The following C22orf31 variants were observed in gnomAD, a reference collection of about 807,000 sequenced individuals.
C22orf31 encodes the protein chromosome 22 open reading frame 31.
C22orf31 carries 11 observed loss-of-function variants against 15.0 expected under a neutral mutation model. The ratio of observed to expected loss-of-function variants is 0.73; its 90% CI spans 0.46 to 1.21. The LOEUF (loss-of-function observed/expected upper bound fraction) is 1.21, where lower values mean the gene tolerates loss of function less well. Among genes scored for constraint, C22orf31 ranks in the 50% most tolerant of loss-of-function variants. The pLI is 0.00. For synonymous variants in C22orf31, 132 were observed against 133.3 expected, an observed-to-expected ratio of 0.99 and a Z score of 0.07; for missense variants, 340 against 347.2, an observed-to-expected ratio of 0.98 and a Z score of 0.17.
chr22:29,067,688 C>A, the C22orf31 span, among the ~76,000 whole-genome samples: 1 of 152,126 alleles, frequency 6.6e-6, no homozygotes, highest in South Asian at 2.1e-4. Flanking sequence ...AGGTGATCTG[C>A]CAGCATCGGA....
chr22:29,058,710 A>G lies in C22orf31; in HGVS notation c.*32T>C. The stretch of plus-strand genomic sequence containing the variant: ...TGTGTTTATTTTTCAGATCTCTAGC[A>G]GAGAATACTCTAATCCCATGAGTTC... On this transcript the variant is annotated 3_prime_UTR_variant, in exon 3 of 3. Coordinates refer to ENST00000216071, the MANE Select transcript of C22orf31 (RefSeq NM_015370.2). 6.6e-7 allele frequency: 1 copy of G among 1,504,000 alleles called. No homozygotes were observed. The allele number at this position is 1,504,000 out of a possible 1,614,324, so 93.2% of individuals were successfully genotyped here.
At chr22:29,070,905 G>A in the C22orf31 span, among the ~76,000 whole-genome samples, 1 of 152,204 alleles carries the variant, frequency 6.6e-6, no homozygotes, top group Non-Finnish European at 1.5e-5. Context: ...CTTGGTGGCT[G>A]TATCCTCAGC....
At chr22:29,070,060 C>G in the C22orf31 span, among the ~76,000 whole-genome samples, 1 of 150,228 alleles carries the variant, frequency 6.7e-6, no homozygotes, top group African/African-American at 2.5e-5. Context: ...ATTCTCCTGT[C>G]TCAGCCTCCT....
chr22:29,058,977 T>C lies in C22orf31; in HGVS notation c.638A>G (p.Tyr213Cys), dbSNP rs777225440. Residue 213 changes from tyrosine to cysteine, a missense_variant, in exon 3 of 3, where the codon TAC becomes TGC. By Grantham distance (194) the Tyr-to-Cys change is radical. Transcript: ENST00000216071. ...CACCACAGCGTGGTACAGAGCCTGG[T>C]AACCCTCTGTGGGGAGACCATGGAT... ...LTIHGLPTEGYQALYHAVVEP... is the reference protein window; with the variant it reads ...LTIHGLPTEGCQALYHAVVEP... 6 of 1,614,112 alleles carry C rather than the reference T, an allele frequency of 3.7e-6. No homozygotes were observed. The highest frequency in any genetic ancestry group is 5.1e-6 in the Non-Finnish European group (6 of 1,179,938).
rs139514182 is a variant in C22orf31 at position 29,060,541 on chromosome 22, C to T, written c.306G>A (p.Ser102=). ...AATCGTCCTTGTGCTTTAATCTCTT[C>T]GAGAGTTTTCCTTCTCCAAACTTGC... ...PPCKFGEGKL[S]KRLKHKDDSV... Residue 102 remains serine (S), a synonymous_variant, in exon 2 of 3, where the codon TCG becomes TCA. Transcript: ENST00000216071. 206 of 1,614,084 alleles carry T rather than the reference C, an allele frequency of 1.3e-4. No individual in the cohort carries two copies. The highest frequency in any genetic ancestry group is 7.1e-4 in the African/African-American group (53 of 75,006).
intron 2 of C22orf31, chr22:29,059,697 G>A (rs991920395): frequency 1.4e-6 from 1 of 693,808 alleles, no homozygotes; most frequent in African/African-American, 1.9e-5. Context: ...ATTCCAATCA[G>A]GCCTTCGTAG....
At chr22:29,067,811 T>A in the C22orf31 span, among the ~76,000 whole-genome samples, 2,628 of 152,190 alleles carry the variant, frequency 0.017, 74 homozygotes, top group African/African-American at 0.06. Flanking sequence ...AGTGGCTGTA[T>A]CCTCGTTCAC....
chr22:29,064,609 G>C (rs1274120914), upstream of C22orf31, among the ~76,000 whole-genome samples: 1 of 150,610 alleles, frequency 6.6e-6, no homozygotes. Context: ...GACCTCCTGG[G>C]CTCAAGCAAT....
At chr22:29,070,349 GAGAGCC>G in the C22orf31 span, among the ~76,000 whole-genome samples, 1 of 152,246 alleles carries the variant, frequency 6.6e-6, no homozygotes, top group Non-Finnish European at 1.5e-5. Context: ...ACATGACAGA[GAGAGCC>G]AATTGGAGGA....
chr22:29,062,543 G>T (rs1471679559), upstream of C22orf31, among the ~76,000 whole-genome samples: 1 of 152,158 alleles, frequency 6.6e-6, no homozygotes, highest in Non-Finnish European at 1.5e-5. Flanking sequence ...CTGCTTATCA[G>T]GTGCTCGTCC....
At chr22:29,066,900 T>C in the C22orf31 span, among the ~76,000 whole-genome samples, 1 of 152,112 alleles carries the variant, frequency 6.6e-6, no homozygotes, top group Non-Finnish European at 1.5e-5. Context: ...ACTGTGAGTC[T>C]TCAGAGGTGC....
chr22:29,058,891 C>A lies in C22orf31; in HGVS notation c.724G>T (p.Ala242Ser), dbSNP rs2037348143. 6.2e-7 allele frequency: 1 copy of A among 1,614,058 alleles called. No homozygotes were observed. ...PKRYSLELGK[A>S]IKQKLWEALC... ...GCCTCCCAGAGCTTTTGTTTAATGG[C>A]CTTGCCCAGCTCCAGGCTGTACCTC... The change falls in exon 3 of 3, where the codon GCC becomes TCC. Residue 242 changes from alanine to serine, a missense_variant. Ala to Ser is a moderately conservative substitution (Grantham distance 99). Transcript: ENST00000216071.
Position 29,060,794 on chromosome 22 carries a change from C to T in C22orf31, c.53G>A (p.Arg18Gln), listed in dbSNP as rs140235057. The change falls in exon 2 of 3, where the codon CGA becomes CAA. Residue 18 changes from arginine (R) to glutamine (Q), a missense_variant. Arg to Gln is a conservative substitution (Grantham distance 43). Transcript: ENST00000216071. ...RDPSIPIYGL[R>Q]QSILLNTRLQ... ...CCTGGTATTTAATAAGATGGACTGT[C>T]GGAGTCCATAGATAGGGATGCTGGG... 6.7e-4 allele frequency: 1,079 copies of T among 1,613,652 alleles called. 2 individuals are homozygous for T. Among genetic ancestry groups the T allele is most frequent in the East Asian group, 2.2e-3 (98 of 44,874 alleles).
At chr22:29,061,219 A>G (rs1601731859) in intron 1 of C22orf31, among the ~76,000 whole-genome samples, 1 of 152,194 alleles carries the variant, frequency 6.6e-6, no homozygotes, top group Admixed American at 6.6e-5. Context: ...CAACACAGAC[A>G]TGACAGCCGG....
the C22orf31 span, among the ~76,000 whole-genome samples, chr22:29,073,667 TC>T: frequency 1.8e-5 from 2 of 113,570 alleles, no homozygotes; most frequent in Admixed American, 8.5e-5. This position sits in a 1 kb window ranked among gnomAD's most constrained non-coding sequence, Gnocchi z 4.4. Context: ...CCCAGCGACT[TC>T]CCCCGGGCCG....
the C22orf31 span, among the ~76,000 whole-genome samples, chr22:29,072,844 GC>G: frequency 6.6e-6 from 1 of 152,134 alleles, no homozygotes; most frequent in Non-Finnish European, 1.5e-5. Context: ...CCCAGGTGAG[GC>G]GAGAGATGGG....
chr22:29,065,123 G>A (rs2037420734), upstream of C22orf31, among the ~76,000 whole-genome samples: 1 of 152,128 alleles, frequency 6.6e-6, no homozygotes, highest in Non-Finnish European at 1.5e-5. Context: ...AAAGTGCTGG[G>A]ATTTCAGGCG....
the C22orf31 span, among the ~76,000 whole-genome samples, chr22:29,072,199 C>T: frequency 4.6e-5 from 7 of 152,182 alleles, no homozygotes; most frequent in African/African-American, 1.7e-4. Context: ...GGCTGGAGTG[C>T]AGTGGTGCGA....
At position 29,060,596 on chromosome 22, in the gene C22orf31, T is replaced by G; in HGVS notation, c.251A>C (p.Gln84Pro). Residue 84 changes from glutamine to proline, a missense_variant, in exon 2 of 3, where the codon CAA becomes CCA. Gln to Pro is a moderately conservative substitution (Grantham distance 76). Coordinates refer to ENST00000216071, the MANE Select transcript of C22orf31 (RefSeq NM_015370.2). Reference protein sequence around the residue: ...FSLVKLVLRRQLKNKCCPPPC... With the variant: ...FSLVKLVLRRPLKNKCCPPPC... ...TGGTGGGCAGCACTTATTCTTCAGT[T>G]GCCGCCTGAGTACAAGCTTAACCAG... is the stretch of plus-strand genomic sequence containing the variant. 1 of 1,614,206 alleles carries G rather than the reference T, an allele frequency of 6.2e-7. No individual in the cohort carries two copies.
Sources: gnomAD v4.1 joint callset for allele counts (sites outside exome capture counted in the v4.1 genomes callset) on GRCh38, gnomAD v4.1.1 for gene constraint, Gnocchi (gnomAD v3.1) non-coding constraint, MANE v1.5 for transcripts, NCBI Gene and HGNC (gene_info 2026-07-23, HGNC 2026-07-21) for gene names.